The following KCNQ3 variants were observed in gnomAD, a reference collection of about 807,000 sequenced individuals.
The protein encoded by KCNQ3 is potassium voltage-gated channel subfamily KQT member 3.
Under a neutral mutation model 92.5 loss-of-function variants are expected in KCNQ3, and 30 were observed. The observed-to-expected ratio is 0.32, with a 90% CI of 0.24 to 0.44. KCNQ3 has a LOEUF of 0.44. KCNQ3 is among the 20% of genes least tolerant of loss of function. The pLI, the probability that KCNQ3 is intolerant of heterozygous loss-of-function variation, is 1.00. For missense variants in KCNQ3, 913 were observed against 1,140.3 expected, an observed-to-expected ratio of 0.80 and a Z score of 2.87; for synonymous variants, 450 against 468.8, an observed-to-expected ratio of 0.96 and a Z score of 0.52.
chr8:132,461,878 C>A (rs1381132268), intron 1 of KCNQ3, among the ~76,000 whole-genome samples: 1 of 151,994 alleles, frequency 6.6e-6, no homozygotes, highest in Non-Finnish European at 1.5e-5. Context: ...AATTGTTTTC[C>A]TTATTGTTGA....
intron 1 of KCNQ3, among the ~76,000 whole-genome samples, chr8:132,211,397 G>A (rs1217679205): frequency 6.6e-6 from 1 of 152,132 alleles, no homozygotes; most frequent in Non-Finnish European, 1.5e-5. Flanking sequence ...AATAATTCTT[G>A]CCTTTAGACA....
At chr8:132,294,234 C>G (rs949587082) in intron 1 of KCNQ3, among the ~76,000 whole-genome samples, 6 of 152,074 alleles carry the variant, frequency 3.9e-5, no homozygotes, top group Non-Finnish European at 5.9e-5. Context: ...ATCTCCTGAC[C>G]TCGTGATCCA....
chr8:132,142,400 T>A (rs1274826532), intron 9 of KCNQ3, among the ~76,000 whole-genome samples: 1 of 152,204 alleles, frequency 6.6e-6, no homozygotes, highest in Non-Finnish European at 1.5e-5. Flanking sequence ...GGGATAAGCA[T>A]TCCCTGCTTT....
At chr8:132,430,863 A>C (rs1821231366) in intron 1 of KCNQ3, among the ~76,000 whole-genome samples, 1 of 152,110 alleles carries the variant, frequency 6.6e-6, no homozygotes, top group Non-Finnish European at 1.5e-5. Flanking sequence ...TTTGTCCCTG[A>C]TGTCTCCTTG....
chr8:132,303,087 C>G (rs867570995), intron 1 of KCNQ3, among the ~76,000 whole-genome samples: 1 of 152,226 alleles, frequency 6.6e-6, no homozygotes, highest in Middle Eastern at 3.4e-3. Flanking sequence ...AGGGAAGGAG[C>G]CCAAGAGGGC....
intron 1 of KCNQ3, among the ~76,000 whole-genome samples, chr8:132,444,099 C>T (rs1354553201): frequency 6.6e-6 from 1 of 152,052 alleles, no homozygotes; most frequent in Non-Finnish European, 1.5e-5. Flanking sequence ...CAGTCTGGTT[C>T]CAGGGTCCAC....
intron 1 of KCNQ3, among the ~76,000 whole-genome samples, chr8:132,303,402 C>T (rs542489842): frequency 2.7e-5 from 4 of 150,628 alleles, no homozygotes; most frequent in Admixed American, 2.7e-4. Flanking sequence ...TACATATTTA[C>T]CAAATGTTAC....
chr8:132,368,658 AAAAG>A (rs1819388421), intron 1 of KCNQ3, among the ~76,000 whole-genome samples: 1 of 152,064 alleles, frequency 6.6e-6, no homozygotes, highest in African/African-American at 2.4e-5. Context: ...GTCTCAAAAA[AAAAG>A]AAAAGAAAAG....
rs749821034 is a variant in KCNQ3, at chr8:132,129,608, A to C, written c.2273T>G (p.Val758Gly). 2.5e-6 allele frequency: 4 copies of C among 1,614,096 alleles called. No homozygotes were observed. The East Asian group carries it at 6.7e-5, about 27-fold the overall frequency. Residue 758 changes from valine to glycine, a missense_variant, in exon 15 of 15, where the codon GTG becomes GGG. By Grantham distance (109) the Val-to-Gly change is moderately radical. Around this residue, in one of 6 missense-constraint regions of KCNQ3, gnomAD observed 375 missense variants for 376.4 expected, o/e 1.00. Transcript: ENST00000388996. This position sits in a 1 kb window ranked among gnomAD's most constrained non-coding sequence, Gnocchi z 5.9. ...LPILTLLDSR[V>G]SCHSQADLQG... ...CAGGTCAGCCTGGGAGTGGCAGCTC[A>C]CTCGGGAGTCGAGAAGAGTCAAGAT...
At chr8:132,234,732 A>G (rs943919383) in intron 1 of KCNQ3, among the ~76,000 whole-genome samples, 6 of 152,196 alleles carry the variant, frequency 3.9e-5, no homozygotes, top group African/African-American at 1.4e-4. Flanking sequence ...GCAGCTAGTA[A>G]GTGGTAGACA....
In KCNQ3 at chr8:132,367,006, C is replaced by A. The variant is rs547497984; in HGVS notation, c.386+113141G>T. Among the ~76,000 whole-genome samples the A allele has an allele frequency of 6.0e-4, 92 of 152,242 alleles. 1 individual carries two copies. The South Asian group carries it at 0.018, about 31-fold the overall frequency. On this transcript the variant is annotated intron_variant, in intron 1 of 14. Coordinates refer to ENST00000388996, the MANE Select transcript of KCNQ3 (RefSeq NM_004519.4). ...TTTTCTTATTTTTCGATCTGAGCTG[C>A]ACATCTTAAAAAATGAGCAAGAATT... is the stretch of plus-strand genomic sequence containing the variant.
At chr8:132,268,919 C>A (rs1439190466) in intron 1 of KCNQ3, among the ~76,000 whole-genome samples, 2 of 152,188 alleles carry the variant, frequency 1.3e-5, no homozygotes, top group Admixed American at 1.3e-4. Context: ...GGATTATGGC[C>A]ATTCTAAGTG....
chr8:132,250,984 C>T (rs926065867), intron 1 of KCNQ3, among the ~76,000 whole-genome samples: 1 of 152,150 alleles, frequency 6.6e-6, no homozygotes, highest in African/African-American at 2.4e-5. Context: ...TGTGGCTGGG[C>T]ACCATGGCTT....
At chr8:132,294,619 A>T (rs887051688) in intron 1 of KCNQ3, among the ~76,000 whole-genome samples, 2 of 152,090 alleles carry the variant, frequency 1.3e-5, no homozygotes, top group Non-Finnish European at 2.9e-5. Flanking sequence ...TTGGTGAGAT[A>T]CTCTGTATTT....
chr8:132,176,722 C>T (rs1254773781), intron 4 of KCNQ3, among the ~76,000 whole-genome samples: 1 of 152,186 alleles, frequency 6.6e-6, no homozygotes, highest in Admixed American at 6.5e-5. Flanking sequence ...TCTTCAGACT[C>T]ATGTCACCTC....
At position 132,134,495 on chromosome 8, in the gene KCNQ3, AAGAGG is replaced by A. The variant is rs769666056; in HGVS notation, c.1701-112_1701-108del. The A allele has an allele frequency of 8.0e-3, 6,338 of 791,194 alleles. 54 individuals carry two copies. Among genetic ancestry groups the A allele is most frequent in the Non-Finnish European group, 0.01 (4,784 of 473,798 alleles). 49.0% of individuals were successfully genotyped at this position (791,194 alleles called of 1,614,324 possible). ...AATGAGATAAGGGTTTGGAATATAT[AAGAGG>A]AGAGGAGAGGAGAGGAGAAGTGAGG... On this transcript the variant is annotated intron_variant, in intron 12 of 14. Transcript: ENST00000388996.
At chr8:132,322,963 G>C (rs890209384) in intron 1 of KCNQ3, among the ~76,000 whole-genome samples, 2 of 152,144 alleles carry the variant, frequency 1.3e-5, no homozygotes, top group African/African-American at 4.8e-5. Flanking sequence ...GTGCTGAGTC[G>C]AGCAGTTTGG....
At chr8:132,414,640 A>G (rs552582470) in intron 1 of KCNQ3, among the ~76,000 whole-genome samples, 1 of 152,350 alleles carries the variant, frequency 6.6e-6, no homozygotes, top group East Asian at 1.9e-4. Context: ...AACACTTGAT[A>G]CAATTATCCA....
chr8:132,479,949 AACACACACACACACACACACACACAC>A (rs371967111), intron 1 of KCNQ3, among the ~76,000 whole-genome samples, 172 bp downstream of exon 1: 1 of 137,094 alleles, frequency 7.3e-6, no homozygotes, highest in African/African-American at 2.7e-5. Context: ...GGAGAGCGGC[AACACACACACACACACACACACACAC>A]ACACACACAC....
Sources: allele counts gnomAD v4.1 joint callset (sites outside exome capture counted in the v4.1 genomes callset), GRCh38; gene constraint gnomAD v4.1.1; regional missense constraint gnomAD v4.1.1; non-coding constraint Gnocchi (gnomAD v3.1); transcripts MANE v1.5; gene names NCBI Gene and HGNC (gene_info 2026-07-23, HGNC 2026-07-21).